The following STXBP5L variants were observed in gnomAD, a reference collection of about 807,000 sequenced individuals.
The protein encoded by STXBP5L is syntaxin-binding protein 5-like.
A neutral mutation model predicts 144.5 loss-of-function variants in STXBP5L; 65 were observed. That is an observed-to-expected ratio of 0.45 (90% CI 0.37 to 0.55). The LOEUF (loss-of-function observed/expected upper bound fraction) is 0.55. Among genes scored for constraint, STXBP5L ranks in the 20% least tolerant of loss-of-function variants. The probability of loss-of-function intolerance (pLI) is 0.00; values close to 1 mark genes in which losing one functional copy is unlikely to be tolerated. For synonymous variants in STXBP5L, 505 were observed against 469.6 expected, an observed-to-expected ratio of 1.08 and a Z score of -0.97; for missense variants, 1,298 against 1,405.5, an observed-to-expected ratio of 0.92 and a Z score of 1.22.
At chr3:121,195,062 C>A (rs1376437854) in intron 9 of STXBP5L, among the ~76,000 whole-genome samples, 3 of 151,778 alleles carry the variant, frequency 2.0e-5, no homozygotes, top group African/African-American at 7.3e-5. Context: ...ACTACAGGCA[C>A]ACGCCACCAT....
At chr3:121,345,975 T>G (rs139451306) in intron 20 of STXBP5L, among the ~76,000 whole-genome samples, 3,207 of 152,106 alleles carry the variant, frequency 0.021, 114 homozygotes, top group African/African-American at 0.073. Context: ...TTATTATACT[T>G]TAAGTTTTAG....
intron 5 of STXBP5L, among the ~76,000 whole-genome samples, chr3:121,108,131 C>T (rs1050929026): frequency 6.6e-6 from 1 of 152,178 alleles, no homozygotes; most frequent in African/African-American, 2.4e-5. Context: ...ATAGGATTTT[C>T]TATATGTACG....
chr3:121,002,401 GT>G (rs1009084360), intron 3 of STXBP5L, among the ~76,000 whole-genome samples: 6 of 151,448 alleles, frequency 4.0e-5, no homozygotes, highest in Admixed American at 1.3e-4. Flanking sequence ...AAATTTGAGG[GT>G]TTTTTTTGTT....
intron 3 of STXBP5L, among the ~76,000 whole-genome samples, chr3:120,999,137 C>A (rs1430373046): frequency 6.6e-6 from 1 of 152,176 alleles, no homozygotes; most frequent in Non-Finnish European, 1.5e-5. Flanking sequence ...ACTGCAACCT[C>A]TTCCTCCCGG....
At chr3:121,179,341 G>C (rs1457265223) in intron 9 of STXBP5L, among the ~76,000 whole-genome samples, 1 of 151,410 alleles carries the variant, frequency 6.6e-6, no homozygotes, top group African/African-American at 2.4e-5. Flanking sequence ...CACCTCTAAA[G>C]CATAAAAAAT....
intron 20 of STXBP5L, among the ~76,000 whole-genome samples, chr3:121,331,127 G>A (rs1233561755): frequency 6.6e-6 from 1 of 152,188 alleles, no homozygotes; most frequent in Non-Finnish European, 1.5e-5. Flanking sequence ...CATTAAGGAG[G>A]CATCCTGTGG....
At chr3:121,084,134 G>A (rs1307560177) in intron 5 of STXBP5L, among the ~76,000 whole-genome samples, 1 of 151,344 alleles carries the variant, frequency 6.6e-6, no homozygotes, top group East Asian at 1.9e-4. Context: ...TGTTTATTTT[G>A]GTTTTCTTTT....
chr3:121,175,832 T>C (rs1332960620), intron 9 of STXBP5L, among the ~76,000 whole-genome samples: 1 of 148,544 alleles, frequency 6.7e-6, no homozygotes, highest in African/African-American at 2.5e-5. Context: ...AAACTTTAAA[T>C]ACAAAACTAT....
chr3:121,137,259 G>T (rs1367169254), intron 7 of STXBP5L, among the ~76,000 whole-genome samples: 8 of 151,840 alleles, frequency 5.3e-5, no homozygotes, highest in East Asian at 1.9e-4. Context: ...AAAAAATGTT[G>T]GTTTTTTAAA....
intron 22 of STXBP5L, among the ~76,000 whole-genome samples, chr3:121,394,516 T>C (rs941879872): frequency 1.1e-4 from 16 of 152,070 alleles, no homozygotes; most frequent in African/African-American, 3.1e-4. Context: ...AACATTTCCC[T>C]GTTCAGTATG....
chr3:120,921,363 A>G (rs530826653), intron 2 of STXBP5L, among the ~76,000 whole-genome samples: 95 of 152,084 alleles, frequency 6.2e-4, no homozygotes, highest in Admixed American at 1.3e-3. Flanking sequence ...CTTATTATAT[A>G]TTCTGGTTCT....
chr3:121,046,067 A>G (rs1271585990), intron 5 of STXBP5L, among the ~76,000 whole-genome samples: 1 of 152,096 alleles, frequency 6.6e-6, no homozygotes, highest in African/African-American at 2.4e-5. Context: ...GAGGGGTTTT[A>G]ACATGAAGGA....
At chr3:120,963,399 A>G (rs1427770973) in intron 3 of STXBP5L, among the ~76,000 whole-genome samples, 2 of 151,836 alleles carry the variant, frequency 1.3e-5, no homozygotes, top group East Asian at 3.9e-4. Flanking sequence ...TCAGTATGAT[A>G]TTGGCAGTAT....
intron 3 of STXBP5L, among the ~76,000 whole-genome samples, chr3:120,982,843 G>A (rs921911436): frequency 2.8e-4 from 42 of 152,128 alleles, no homozygotes; most frequent in African/African-American, 9.7e-4. Context: ...CCCCTAGATG[G>A]CCCCTTGGAT....
chr3:120,976,077 T>A (rs1212714934), intron 3 of STXBP5L, among the ~76,000 whole-genome samples: 5 of 152,046 alleles, frequency 3.3e-5, no homozygotes, highest in South Asian at 2.1e-4. Flanking sequence ...GTTAGGGAGG[T>A]TTTCCTCTTT....
At chr3:121,136,314 A>C (rs953489343) in intron 7 of STXBP5L, among the ~76,000 whole-genome samples, 2 of 152,150 alleles carry the variant, frequency 1.3e-5, no homozygotes, top group Non-Finnish European at 2.9e-5. Flanking sequence ...CCTCCCCACC[A>C]CAGCTCCTGA....
chr3:120,965,737 T>A (rs964771990), intron 3 of STXBP5L, among the ~76,000 whole-genome samples: 2 of 152,188 alleles, frequency 1.3e-5, no homozygotes, highest in Non-Finnish European at 2.9e-5. Context: ...CCTTGTTGAA[T>A]CTGACAGTTA....
At chr3:121,008,859 TG>T (rs1944554162) in intron 3 of STXBP5L, among the ~76,000 whole-genome samples, 1 of 152,012 alleles carries the variant, frequency 6.6e-6, no homozygotes, top group Admixed American at 6.6e-5. Context: ...ATTTAGAATA[TG>T]TAGCAATTGT....
chr3:121,318,674 A>C, intron 20 of STXBP5L, 134 bp downstream of exon 20: 1 of 531,570 alleles, frequency 1.9e-6, no homozygotes, highest in Non-Finnish European at 3.1e-6. Context: ...AATTTACTGT[A>C]AGCAAATTTG....
Sources: gnomAD v4.1 joint callset for allele counts (sites outside exome capture counted in the v4.1 genomes callset) on GRCh38, gnomAD v4.1.1 for gene constraint, MANE v1.5 for transcripts, NCBI Gene and HGNC (gene_info 2026-07-23, HGNC 2026-07-21) for gene names.